Variants in EPS8 observed in about 807,000 individuals in gnomAD.
EPS8 encodes the protein epidermal growth factor receptor kinase substrate 8.
In EPS8, 42 loss-of-function variants were observed where a neutral mutation model predicts 103.8. That is an observed-to-expected ratio of 0.40 (90% CI 0.32 to 0.52). EPS8 has a LOEUF of 0.52. Among genes scored for constraint, EPS8 ranks in the 20% least tolerant of loss-of-function variants. EPS8 has a pLI of 0.40. For synonymous variants in EPS8, 344 were observed against 344.6 expected (o/e 1.00, Z 0.02); for missense variants, 969 against 1,005.1 (o/e 0.96, Z 0.49).
intron 1 of EPS8, among the ~76,000 whole-genome samples, chr12:15,740,712 A>C (rs1423718805): frequency 6.6e-6 from 1 of 152,110 alleles, no homozygotes; most frequent in African/African-American, 2.4e-5. Context: ...GTCTCTCCCA[A>C]GTTTAAATTT....
At position 15,779,567 on chromosome 12, in the gene EPS8, C is replaced by G. The variant is rs1217284979; in HGVS notation, c.-22+9594G>C. ...ATTGTTGCATTAAACCAACAAATAT[C>G]TCAATAATATACATGTATTTCTATA... On this transcript the variant is annotated intron_variant, in intron 1 of 20. Coordinates refer to ENST00000281172, the MANE Select transcript of EPS8 (RefSeq NM_004447.6). The surrounding 1 kb of genome is among the most constrained non-coding windows in gnomAD (Gnocchi z 4.3). 6.6e-6 allele frequency among the ~76,000 whole-genome samples: 1 copy of G among 152,112 alleles called. No homozygotes were observed. Among genetic ancestry groups the G allele is most frequent in the East Asian group, 1.9e-4 (1 of 5,190 alleles).
At chr12:15,775,587 A>G (rs1591935917) in intron 1 of EPS8, among the ~76,000 whole-genome samples, 1 of 152,250 alleles carries the variant, frequency 6.6e-6, no homozygotes, top group Non-Finnish European at 1.5e-5. Context: ...ATGTGAATCT[A>G]TATTAAGGAA....
intron 1 of EPS8, among the ~76,000 whole-genome samples, chr12:15,739,857 T>C (rs936120855): frequency 2.0e-5 from 3 of 152,182 alleles, no homozygotes; most frequent in African/African-American, 7.2e-5. Flanking sequence ...AGAAGGCTAC[T>C]AGTAAACAAA....
intron 1 of EPS8, among the ~76,000 whole-genome samples, chr12:15,763,936 T>G (rs1947067418): frequency 6.6e-6 from 1 of 152,218 alleles, no homozygotes; most frequent in Admixed American, 6.5e-5. Flanking sequence ...AGTTTTTCAT[T>G]CACAACAATA....
In EPS8 at chr12:15,747,906, G is replaced by A. The variant is rs1274793762; in HGVS notation, c.-22+41255C>T. ...GTGGTGGCAGGCACCTGTAGTCCCA[G>A]CTACTCGGGAGTCTGAGGCAGGAGA... On this transcript the variant is annotated intron_variant, in intron 1 of 20. Coordinates refer to ENST00000281172, the MANE Select transcript of EPS8 (RefSeq NM_004447.6). This position sits in a 1 kb window ranked among gnomAD's most constrained non-coding sequence, Gnocchi z 4.4. Among the ~76,000 whole-genome samples, 1 of 152,056 alleles carries A rather than the reference G, an allele frequency of 6.6e-6. No individual in the cohort carries two copies. Among genetic ancestry groups the A allele is most frequent in the Non-Finnish European group, 1.5e-5 (1 of 68,016 alleles).
At chr12:15,631,348 A>G in intron 18 of EPS8, 94 bp downstream of exon 18, 1 of 1,537,578 alleles carries the variant, frequency 6.5e-7, no homozygotes, top group Non-Finnish European at 8.8e-7. Flanking sequence ...AGTATAAAGG[A>G]CTTTAATACA....
chr12:15,768,922 G>A (rs890809545), intron 1 of EPS8, among the ~76,000 whole-genome samples: 1 of 152,152 alleles, frequency 6.6e-6, no homozygotes, highest in Non-Finnish European at 1.5e-5. Context: ...ATTTTAATCA[G>A]ACTATACTTT....
intron 1 of EPS8, among the ~76,000 whole-genome samples, chr12:15,774,933 A>T (rs1359302198): frequency 6.6e-6 from 1 of 151,978 alleles, no homozygotes; most frequent in African/African-American, 2.4e-5. Flanking sequence ...CAAACAATTA[A>T]GCTCCCTGCA....
At chr12:15,653,215 T>C (rs1030131199) in intron 13 of EPS8, among the ~76,000 whole-genome samples, 2 of 152,228 alleles carry the variant, frequency 1.3e-5, no homozygotes, top group African/African-American at 4.8e-5. Context: ...AAAAGGCCTC[T>C]GCCTCCAGTT....
chr12:15,663,942 A>ATTAT (rs1450038812), intron 8 of EPS8, among the ~76,000 whole-genome samples: 1 of 37,830 alleles, frequency 2.6e-5, no homozygotes, highest in Admixed American at 4.1e-4. Flanking sequence ...AAAAAAAAAA[A>ATTAT]AAAATAATAT....
rs759994027 is a variant in EPS8 at position 15,650,880 on chromosome 12, A to G, written c.1377T>C (p.Ser459=). The G allele has an allele frequency of 1.2e-6, 2 of 1,614,132 alleles. No homozygotes were observed. Among genetic ancestry groups the G allele is most frequent in the Non-Finnish European group, 1.7e-6 (2 of 1,179,984 alleles). The change falls in exon 14 of 21, where the codon TCT becomes TCC. Residue 459 remains serine (S), a synonymous_variant. Coordinates refer to ENST00000281172, the MANE Select transcript of EPS8 (RefSeq NM_004447.6). The stretch of plus-strand genomic sequence containing the variant: ...GCTGATGTTCTGCTACATTTGCCAC[A>G]GATTCTGCCAGTTGATAAAGATCTT... ...MEQDLYQLAE[S]VANVAEHQRK...
intron 1 of EPS8, among the ~76,000 whole-genome samples, chr12:15,720,173 T>A (rs547128708): frequency 6.6e-6 from 1 of 152,310 alleles, no homozygotes; most frequent in African/African-American, 2.4e-5. Context: ...TATTTTCAAA[T>A]AATATATGAA....
chr12:15,671,485 A>G (rs73315037), intron 3 of EPS8, among the ~76,000 whole-genome samples: 15,019 of 152,150 alleles, frequency 0.099, 2,312 homozygotes, highest in African/African-American at 0.32. Flanking sequence ...CACATCTACA[A>G]AACACACAAA....
chr12:15,622,627 C>A (rs1944877981), intron 20 of EPS8, among the ~76,000 whole-genome samples: 1 of 152,136 alleles, frequency 6.6e-6, no homozygotes, highest in South Asian at 2.1e-4. Context: ...GACTCTCCTG[C>A]TTTCATACAG....
intron 1 of EPS8, among the ~76,000 whole-genome samples, chr12:15,730,739 G>A (rs1426394263): frequency 6.6e-6 from 1 of 151,940 alleles, no homozygotes; most frequent in African/African-American, 2.4e-5. Flanking sequence ...TATCAGTATC[G>A]ACTAGTTTCT....
intron 1 of EPS8, among the ~76,000 whole-genome samples, chr12:15,703,557 T>A (rs1274030498): frequency 6.6e-6 from 1 of 151,978 alleles, no homozygotes; most frequent in African/African-American, 2.4e-5. Context: ...GTGGCTGCAA[T>A]ACAGAATATA....
rs537127328 is a variant in EPS8, at chr12:15,699,054, C to T, written c.-21-16082G>A. Among the ~76,000 whole-genome samples, 8 of 152,242 alleles carry T rather than the reference C, an allele frequency of 5.3e-5. 2 individuals are homozygous for T. Among genetic ancestry groups the T allele is most frequent in the African/African-American group, 1.2e-4 (5 of 41,534 alleles). ...CACAACCTACAAATGATCCCTCCAC[C>T]GATGTGACTGCCCCTGCAAACCTTA... On this transcript the variant is annotated intron_variant, in intron 1 of 20. Coordinates refer to ENST00000281172, the MANE Select transcript of EPS8 (RefSeq NM_004447.6).
chr12:15,647,601 C>T (rs1238889719), intron 14 of EPS8, among the ~76,000 whole-genome samples: 1 of 152,124 alleles, frequency 6.6e-6, no homozygotes, highest in Non-Finnish European at 1.5e-5. Context: ...ATACACAGAA[C>T]ATTATAGTAT....
Position 15,733,495 on chromosome 12 carries a change from T to C in EPS8, c.-21-50523A>G, listed in dbSNP as rs80157797. On this transcript the variant is annotated intron_variant, in intron 1 of 20. Coordinates refer to ENST00000281172, the MANE Select transcript of EPS8 (RefSeq NM_004447.6). The surrounding 1 kb of genome is among the most constrained non-coding windows in gnomAD (Gnocchi z 4.8). ...GGACACAGAGCCAATCCATATCATATTGTTCATTAAATAGTATCTTGGCAC... is the reference window on the plus strand; with the variant it reads ...GGACACAGAGCCAATCCATATCATACTGTTCATTAAATAGTATCTTGGCAC... 0.025 allele frequency among the ~76,000 whole-genome samples: 3,765 copies of C among 152,258 alleles called. 151 individuals carry two copies. Among genetic ancestry groups the C allele is most frequent in the African/African-American group, 0.086 (3,563 of 41,522 alleles).
Sources: gnomAD v4.1 joint callset for allele counts (sites outside exome capture counted in the v4.1 genomes callset) on GRCh38, gnomAD v4.1.1 for gene constraint, Gnocchi (gnomAD v3.1) non-coding constraint, MANE v1.5 for transcripts, NCBI Gene and HGNC (gene_info 2026-07-23, HGNC 2026-07-21) for gene names.